FNBP1: variants seen among roughly 807,000 people sequenced by gnomAD.
FNBP1 encodes formin-binding protein 1.
Under a neutral mutation model 90.6 loss-of-function variants are expected in FNBP1, and 26 were observed. The ratio of observed to expected loss-of-function variants is 0.29; its 90% confidence interval spans 0.21 to 0.40. FNBP1 has a LOEUF of 0.40. FNBP1 is among the 10% of genes least tolerant of loss of function. FNBP1 has a pLI of 1.00. For missense variants in FNBP1, 635 were observed against 768.0 expected (o/e 0.83, Z 2.05); for synonymous variants, 260 against 265.2 (o/e 0.98, Z 0.19).
Position 130,003,801 on chromosome 9 carries a change from T to C in FNBP1, c.25-8843A>G, listed in dbSNP as rs575516997. On this transcript the variant is annotated intron_variant, in intron 1 of 16. Transcript: ENST00000446176. The stretch of plus-strand genomic sequence containing the variant: ...AGCTGGGCATGGAGGCAGGTGCCTG[T>C]AGTCCCCAGCTACTCGGGAGGCTGA... Among the ~76,000 whole-genome samples, 19 of 141,488 alleles carry C rather than the reference T, an allele frequency of 1.3e-4. 1 individual carries two copies. Among genetic ancestry groups the C allele is most frequent in the Admixed American group, 1.3e-3 (18 of 13,616 alleles). The allele number at this position is 141,488 out of a possible 152,430, so 92.8% of individuals were successfully genotyped here.
chr9:129,926,021 G>C (rs2041854308), intron 8 of FNBP1, among the ~76,000 whole-genome samples: 1 of 151,930 alleles, frequency 6.6e-6, no homozygotes, highest in South Asian at 2.1e-4. Flanking sequence ...ACTCAGACTG[G>C]AGTGCAGTGG....
At chr9:129,893,224 C>T (rs1319978839) in intron 16 of FNBP1, among the ~76,000 whole-genome samples, 1 of 151,984 alleles carries the variant, frequency 6.6e-6, no homozygotes, top group African/African-American at 2.4e-5. Flanking sequence ...GTTGAAGGGT[C>T]AGCTGATTTT....
intron 12 of FNBP1, among the ~76,000 whole-genome samples, chr9:129,908,411 C>T (rs2038584504): frequency 1.3e-5 from 2 of 149,348 alleles, no homozygotes; most frequent in South Asian, 4.3e-4. Flanking sequence ...TGCTATGTTG[C>T]CTGGGCTGGT....
At chr9:130,010,959 G>C (rs1230995046) in intron 1 of FNBP1, among the ~76,000 whole-genome samples, 1 of 151,168 alleles carries the variant, frequency 6.6e-6, no homozygotes, top group African/African-American at 2.4e-5. Context: ...GATTAGGGAA[G>C]GCCTTTCAGA....
chr9:129,895,260 C>G, intron 16 of FNBP1: 1 of 1,057,106 alleles, frequency 9.5e-7, no homozygotes, highest in Non-Finnish European at 1.1e-6. Context: ...AAAACACACA[C>G]TTTTGGTGCC....
intron 1 of FNBP1, among the ~76,000 whole-genome samples, chr9:130,040,495 C>T (rs575248578): frequency 1.3e-5 from 2 of 152,120 alleles, no homozygotes; most frequent in East Asian, 1.9e-4. Flanking sequence ...GTGGCAGGCG[C>T]GTGTAGTCCC....
intron 12 of FNBP1, 80 bp from the exon 13 acceptor site, chr9:129,903,081 G>A (rs779588561): frequency 2.4e-5 from 33 of 1,355,772 alleles, no homozygotes; most frequent in Middle Eastern, 1.8e-4. Context: ...CACCCAGGCT[G>A]GAGTGCAATG....
intron 6 of FNBP1, among the ~76,000 whole-genome samples, chr9:129,946,799 C>A (rs1052308104): frequency 6.6e-6 from 1 of 152,176 alleles, no homozygotes; most frequent in African/African-American, 2.4e-5. Context: ...AGTCATAAGG[C>A]AAGGGAGAAT....
chr9:129,994,425 A>AG (rs1371564593), intron 2 of FNBP1, among the ~76,000 whole-genome samples: 5 of 150,886 alleles, frequency 3.3e-5, no homozygotes, highest in South Asian at 2.1e-4. Context: ...GGGGAGCTGG[A>AG]GGGGGCCAGG....
rs763525610 is a variant in FNBP1 at position 129,908,975 on chromosome 9, T to G, written c.1210A>C (p.Asn404His). The G allele has an allele frequency of 6.2e-7, 1 of 1,613,704 alleles. No homozygotes were observed. The change falls in exon 12 of 17, where the codon AAC becomes CAC. Residue 404 changes from asparagine to histidine, a missense_variant. Physicochemically the swap from Asn to His is moderately conservative, Grantham distance 68. Coordinates refer to ENST00000446176, the MANE Select transcript of FNBP1 (RefSeq NM_015033.3). ...TTCCTTCTTTGTTCAGGTGGGAGGT[T>G]GCTGAAATCCTCCGGTGTTGCACCC... ...KLGATPEDFS[N>H]LPPEQRRKKL... is the part of the protein sequence containing the mutation.
intron 11 of FNBP1, among the ~76,000 whole-genome samples, chr9:129,914,494 G>A (rs1014774673): frequency 4.0e-5 from 6 of 151,692 alleles, no homozygotes; most frequent in Non-Finnish European, 8.8e-5. Flanking sequence ...GGGAAATAAG[G>A]AAACCCTGGC....
At chr9:129,911,845 T>C (rs1588477720) in intron 11 of FNBP1, among the ~76,000 whole-genome samples, 1 of 151,408 alleles carries the variant, frequency 6.6e-6, no homozygotes, top group African/African-American at 2.4e-5. Flanking sequence ...GGCAGGAGAA[T>C]TGCTTGAACC....
intron 1 of FNBP1, among the ~76,000 whole-genome samples, chr9:130,025,698 T>A (rs1373954916): frequency 6.6e-6 from 1 of 152,138 alleles, no homozygotes; most frequent in Non-Finnish European, 1.5e-5. Flanking sequence ...CCTAGGCGGG[T>A]GGATCACCTG....
intron 12 of FNBP1, among the ~76,000 whole-genome samples, chr9:129,906,494 A>G (rs985061978): frequency 3.9e-5 from 6 of 152,100 alleles, no homozygotes; most frequent in African/African-American, 1.4e-4. Context: ...TATGAGCTCC[A>G]ATGGTTTTAT....
chr9:130,000,452 T>TTAC (rs1205384922), intron 1 of FNBP1, among the ~76,000 whole-genome samples: 28 of 152,082 alleles, frequency 1.8e-4, no homozygotes, highest in African/African-American at 6.7e-4. Context: ...TGAGCTGAGA[T>TTAC]TACGCCACAG....
chr9:130,023,508 G>A (rs2058050002), intron 1 of FNBP1, among the ~76,000 whole-genome samples: 1 of 152,202 alleles, frequency 6.6e-6, no homozygotes, highest in South Asian at 2.1e-4. Context: ...GGAGTTCAAA[G>A]CCCTGAGGTG....
chr9:129,900,436 C>A lies in FNBP1; in HGVS notation c.1540G>T (p.Asp514Tyr). 6.3e-7 allele frequency: 1 copy of A among 1,596,868 alleles called. No homozygotes were observed. Among genetic ancestry groups the A allele is most frequent in the Non-Finnish European group, 8.5e-7 (1 of 1,172,590 alleles). Residue 514 changes from aspartate to tyrosine, a missense_variant, in exon 14 of 17, where the codon GAC (aspartate) becomes TAC (tyrosine). Transcript: ENST00000446176. The surrounding 1 kb of genome is among the most constrained non-coding windows in gnomAD (Gnocchi z 4.1). The part of the protein sequence containing the change: ...NPPTVNNCAQ[D>Y]RESPDGSYTE... The stretch of plus-strand genomic sequence containing the variant: ...GTGCAGATACTGTACCTCTCACGGT[C>A]CTGGGCGCAGTTGTTGACTGTGGGT...
intron 2 of FNBP1, among the ~76,000 whole-genome samples, chr9:129,980,950 C>T (rs1329038383): frequency 6.7e-6 from 1 of 150,282 alleles, no homozygotes; most frequent in African/African-American, 2.4e-5. Context: ...ACTCGGGAGG[C>T]TGAGGTAGGA....
chr9:129,937,438 A>C (rs996364993), intron 6 of FNBP1, among the ~76,000 whole-genome samples: 2 of 152,142 alleles, frequency 1.3e-5, no homozygotes, highest in Non-Finnish European at 2.9e-5. Context: ...AACTTTTAAG[A>C]ATTTTTAAAG....
Sources: gnomAD v4.1 joint callset for allele counts (sites outside exome capture counted in the v4.1 genomes callset) on GRCh38, gnomAD v4.1.1 for gene constraint, Gnocchi (gnomAD v3.1) non-coding constraint, MANE v1.5 for transcripts, NCBI Gene and HGNC (gene_info 2026-07-23, HGNC 2026-07-21) for gene names.